CAPRIN1: variants seen among roughly 807,000 people sequenced by gnomAD.
CAPRIN1 encodes cell cycle associated protein 1, also known as caprin-1.
A neutral mutation model predicts 100.9 loss-of-function variants in CAPRIN1; 29 were observed. The ratio of observed to expected loss-of-function variants is 0.29; its 90% CI spans 0.21 to 0.39. The LOEUF (loss-of-function observed/expected upper bound fraction) is 0.39, where lower values mean the gene tolerates loss of function less well. Ranked by LOEUF, CAPRIN1 falls within the 10% of genes least tolerant of loss-of-function variation. The probability of loss-of-function intolerance (pLI) is 1.00; values close to 1 mark genes in which losing one functional copy is unlikely to be tolerated. For missense variants in CAPRIN1, 795 were observed against 876.7 expected (o/e 0.91, Z 1.18); for synonymous variants, 338 against 307.5 (o/e 1.10, Z -1.04).
At chr11:34,085,557 C>T (rs1284779018) in intron 9 of CAPRIN1, among the ~76,000 whole-genome samples, 1 of 152,192 alleles carries the variant, frequency 6.6e-6, no homozygotes, top group Non-Finnish European at 1.5e-5. Context: ...GTATTCCCAG[C>T]ACTTGGGATG....
intron 15 of CAPRIN1, chr11:34,096,161 CTT>C (rs1401929536): frequency 2.7e-5 from 5 of 188,100 alleles, no homozygotes; most frequent in African/African-American, 9.4e-5. Context: ...TTTTGGGTCT[CTT>C]GTGCTAAAAA....
At chr11:34,096,962 A>G (rs1219889811) in intron 16 of CAPRIN1, among the ~76,000 whole-genome samples, 3 of 152,158 alleles carry the variant, frequency 2.0e-5, no homozygotes. Flanking sequence ...ATTGTTTATT[A>G]TATTTGTACA....
chr11:34,090,465 G>A (rs1013701999), intron 13 of CAPRIN1, 64 bp from the exon 14 acceptor site: 2 of 1,548,058 alleles, frequency 1.3e-6, no homozygotes, highest in African/African-American at 2.7e-5. Context: ...TAGTACATCT[G>A]TTCACTTTTT....
In CAPRIN1 at chr11:34,052,479, C is replaced by T. The variant is rs762222267; in HGVS notation, c.59C>T (p.Pro20Leu). ...AGCAAGTCGTCCGGACCGCCACCGCCGTCGGGTTCCTCCGGGAGTGAGGCG... is the reference window on the plus strand; with the variant it reads ...AGCAAGTCGTCCGGACCGCCACCGCTGTCGGGTTCCTCCGGGAGTGAGGCG... Reference protein sequence around the residue: ...SGSKSSGPPPPSGSSGSEAAA... With the variant: ...SGSKSSGPPPLSGSSGSEAAA... The change falls in exon 2 of 19, where the codon CCG (proline) becomes CTG (leucine). Residue 20 changes from proline to leucine, a missense_variant. This residue lies in a region of CAPRIN1 where 109 missense variants were observed against 86.6 expected (regional missense o/e 1.26). Coordinates refer to ENST00000341394, the MANE Select transcript of CAPRIN1 (RefSeq NM_005898.5). 8 of 1,607,358 alleles carry T rather than the reference C, an allele frequency of 5.0e-6. No individual in the cohort carries two copies. Among genetic ancestry groups the T allele is most frequent in the Non-Finnish European group, 6.8e-6 (8 of 1,178,388 alleles).
At chr11:34,064,346 T>C (rs758671045) in intron 2 of CAPRIN1, among the ~76,000 whole-genome samples, 1 of 152,212 alleles carries the variant, frequency 6.6e-6, no homozygotes. Flanking sequence ...TTAACACCAG[T>C]GGACAAATTT....
intron 6 of CAPRIN1, 86 bp from the exon 7 acceptor site, chr11:34,079,542 C>A: frequency 9.1e-7 from 1 of 1,094,462 alleles, no homozygotes; most frequent in Non-Finnish European, 1.3e-6. Context: ...ATTTTTTAAT[C>A]ACAATATTTT....
At chr11:34,099,180 C>G (rs945039501) in intron 18 of CAPRIN1, 123 bp from the exon 19 acceptor site, 2 of 1,504,034 alleles carry the variant, frequency 1.3e-6, no homozygotes, top group Admixed American at 4.2e-5. Flanking sequence ...AAGAATTGAC[C>G]TCTTAAGCCT....
chr11:34,082,702 T>C, intron 7 of CAPRIN1, 123 bp from the exon 8 acceptor site: 3 of 700,052 alleles, frequency 4.3e-6, no homozygotes, highest in South Asian at 3.5e-5. Context: ...TTACTCTTAT[T>C]GTTAATAATT....
In CAPRIN1 at chr11:34,097,410, C is replaced by T. The variant is rs188009420; in HGVS notation, c.2001+114C>T. The T allele has an allele frequency of 5.8e-6, 5 of 868,110 alleles. No individual in the cohort carries two copies. The Admixed American group carries it at 7.0e-5, about 12-fold the overall frequency. 53.8% of individuals were successfully genotyped at this position (868,110 alleles called of 1,614,324 possible). A position where few individuals can be genotyped will look rare whatever the true frequency, so the allele number is the denominator to read the frequency against. ...AATTTGGCGTTAACTTTGTGGTGTC[C>T]AAGACACTCTGTTGAAACAAAAGCT... On this transcript the variant is annotated intron_variant, in intron 17 of 18. Transcript: ENST00000341394.
At chr11:34,055,354 C>G (rs867176052) in intron 2 of CAPRIN1, among the ~76,000 whole-genome samples, 1 of 151,558 alleles carries the variant, frequency 6.6e-6, no homozygotes, top group Non-Finnish European at 1.5e-5. Context: ...AGAAGTCTCG[C>G]TCTTGTCCGC....
chr11:34,074,868 C>G (rs964502020), intron 4 of CAPRIN1, among the ~76,000 whole-genome samples: 3 of 149,296 alleles, frequency 2.0e-5, no homozygotes, highest in South Asian at 2.1e-4. Flanking sequence ...GAGACTCCAT[C>G]TCAAAAAACA....
chr11:34,078,444 G>T (rs569087241), intron 6 of CAPRIN1, among the ~76,000 whole-genome samples: 3 of 152,098 alleles, frequency 2.0e-5, no homozygotes, highest in Non-Finnish European at 4.4e-5. Context: ...AAAATACCCT[G>T]GTACACCAAA....
intron 1 of CAPRIN1, 174 bp from the exon 2 acceptor site, chr11:34,052,247 G>C: frequency 2.9e-6 from 1 of 348,436 alleles, no homozygotes; most frequent in Non-Finnish European, 5.0e-6. Flanking sequence ...GGCGGGTCGC[G>C]CGCGCGCCCG....
intron 2 of CAPRIN1, among the ~76,000 whole-genome samples, chr11:34,062,734 G>A (rs1425757354): frequency 6.6e-6 from 1 of 151,772 alleles, no homozygotes; most frequent in Non-Finnish European, 1.5e-5. Context: ...TGATTTATTT[G>A]GCCTGGATAC....
intron 2 of CAPRIN1, among the ~76,000 whole-genome samples, chr11:34,063,892 C>A (rs1346026490): frequency 1.3e-5 from 2 of 151,996 alleles, no homozygotes; most frequent in Non-Finnish European, 2.9e-5. Flanking sequence ...CCTCACCCTC[C>A]CTAGTAGCTG....
chr11:34,052,799 G>C (rs1850355171), intron 2 of CAPRIN1, 163 bp downstream of exon 2: 1 of 1,447,342 alleles, frequency 6.9e-7, no homozygotes, highest in Admixed American at 2.8e-5. Flanking sequence ...TTCAGCGGGA[G>C]CTTCGTGCCC....
intron 2 of CAPRIN1, among the ~76,000 whole-genome samples, chr11:34,069,445 G>A (rs535463126): frequency 7.9e-5 from 12 of 152,126 alleles, no homozygotes; most frequent in Admixed American, 5.2e-4. Context: ...ACCGGGCCTG[G>A]TCTAGTTTTT....
chr11:34,072,696 A>G (rs551002281), intron 4 of CAPRIN1, among the ~76,000 whole-genome samples: 21 of 152,338 alleles, frequency 1.4e-4, no homozygotes, highest in African/African-American at 4.8e-4. Flanking sequence ...ATGCAAGCAA[A>G]GTCAGATAAT....
intron 10 of CAPRIN1, 37 bp from the exon 11 acceptor site, chr11:34,086,268 A>G: frequency 6.2e-7 from 1 of 1,609,426 alleles, no homozygotes; most frequent in South Asian, 1.1e-5. Flanking sequence ...AAGTGTTTAT[A>G]TTATTTGACT....
Sources: allele counts gnomAD v4.1 joint callset (sites outside exome capture counted in the v4.1 genomes callset), GRCh38; gene constraint gnomAD v4.1.1; regional missense constraint gnomAD v4.1.1; transcripts MANE v1.5; gene names NCBI Gene and HGNC (gene_info 2026-07-23, HGNC 2026-07-21).